The following QNG1 variants were observed in gnomAD, a reference collection of about 807,000 sequenced individuals.
QNG1 encodes the protein Q-nucleotide N-glycosylase 1, also known as queuosine 5'-phosphate N-glycosylase/hydrolase.
the QNG1 span, chr9:83,939,652 C>T: frequency 6.2e-7 from 1 of 1,614,134 alleles, no homozygotes; most frequent in Non-Finnish European, 8.5e-7. Context: ...GTTCAATAAG[C>T]TCCAGAAGAC....
At chr9:83,955,255 G>A in the QNG1 span, 1 of 941,768 alleles carries the variant, frequency 1.1e-6, no homozygotes, top group African/African-American at 1.7e-5. Flanking sequence ...ACTTGATTTT[G>A]TTAGTTTCTT....
the QNG1 span, among the ~76,000 whole-genome samples, chr9:83,944,055 C>T: frequency 6.8e-6 from 1 of 147,040 alleles, no homozygotes; most frequent in Non-Finnish European, 1.5e-5. Context: ...GGTGCAGTGG[C>T]TCACGCCTGT....
chr9:83,955,245 A>T, the QNG1 span: 2 of 876,838 alleles, frequency 2.3e-6, no homozygotes, highest in South Asian at 1.8e-5. Flanking sequence ...TTGAAACACT[A>T]CTTGATTTTG....
At chr9:83,941,408 C>T in the QNG1 span, among the ~76,000 whole-genome samples, 1 of 151,980 alleles carries the variant, frequency 6.6e-6, no homozygotes, top group Non-Finnish European at 1.5e-5. Flanking sequence ...AAGGTGAGAC[C>T]CCTTCTCTAC....
the QNG1 span, among the ~76,000 whole-genome samples, chr9:83,943,024 C>T: frequency 6.6e-6 from 1 of 152,008 alleles, no homozygotes; most frequent in Non-Finnish European, 1.5e-5. Context: ...TTGAGTGAAG[C>T]CTCTGTGATG....
the QNG1 span, chr9:83,939,763 T>C: frequency 6.5e-7 from 1 of 1,527,502 alleles, no homozygotes. Context: ...GGAAAAGCAG[T>C]AAGAAAAATT....
the QNG1 span, chr9:83,956,792 T>C: frequency 2.9e-6 from 1 of 340,306 alleles, no homozygotes; most frequent in Non-Finnish European, 5.4e-6. Flanking sequence ...CAGGCTCCGC[T>C]TCCGGTTCCA....
At chr9:83,947,747 G>A in the QNG1 span, among the ~76,000 whole-genome samples, 1 of 152,218 alleles carries the variant, frequency 6.6e-6, no homozygotes, top group African/African-American at 2.4e-5. Flanking sequence ...GCTCCTGACC[G>A]CGAGTGATCT....
chr9:83,944,729 TA>T, the QNG1 span: 1 of 1,304,526 alleles, frequency 7.7e-7, no homozygotes, highest in Non-Finnish European at 1.1e-6. Flanking sequence ...AGACCTTTTG[TA>T]AAAGAAACTA....
At chr9:83,951,335 TGGATCACCTGA>T in the QNG1 span, among the ~76,000 whole-genome samples, 1 of 151,732 alleles carries the variant, frequency 6.6e-6, no homozygotes, top group South Asian at 2.1e-4. Context: ...CCAAGGCGGG[TGGATCACCTGA>T]GGTCAGGAGT....
At chr9:83,956,420 G>T in the QNG1 span, 1 of 1,581,784 alleles carries the variant, frequency 6.3e-7, no homozygotes. Context: ...CCCTCCGTAC[G>T]CCTCCGCTGT....
the QNG1 span, among the ~76,000 whole-genome samples, chr9:83,952,465 G>T: frequency 6.6e-6 from 1 of 152,018 alleles, no homozygotes; most frequent in African/African-American, 2.4e-5. Context: ...TTCAAGATCA[G>T]CCTGGCCAAT....
the QNG1 span, among the ~76,000 whole-genome samples, chr9:83,943,887 G>C: frequency 6.6e-6 from 1 of 152,112 alleles, no homozygotes; most frequent in Non-Finnish European, 1.5e-5. Context: ...TAGGTGTGGT[G>C]GCGGGCGCCT....
the QNG1 span, among the ~76,000 whole-genome samples, chr9:83,954,069 A>G: frequency 6.6e-6 from 1 of 151,886 alleles, no homozygotes; most frequent in Admixed American, 6.6e-5. Context: ...TAATTTTTGT[A>G]TTTTTAGTAG....
chr9:83,949,741 G>A, the QNG1 span, among the ~76,000 whole-genome samples: 1 of 150,900 alleles, frequency 6.6e-6, no homozygotes, highest in African/African-American at 2.4e-5. Context: ...ACACCATCAA[G>A]TTTATTATAA....
chr9:83,948,726 G>T, the QNG1 span, among the ~76,000 whole-genome samples: 1 of 152,222 alleles, frequency 6.6e-6, no homozygotes, highest in South Asian at 2.1e-4. Context: ...AGACATAGGA[G>T]ACTCCATTTT....
At chr9:83,943,596 T>C in the QNG1 span, among the ~76,000 whole-genome samples, 4 of 152,278 alleles carry the variant, frequency 2.6e-5, no homozygotes, top group African/African-American at 9.6e-5. Flanking sequence ...AGATTGCCCA[T>C]GGCAGCATAA....
At chr9:83,942,531 A>G in the QNG1 span, among the ~76,000 whole-genome samples, 1 of 152,232 alleles carries the variant, frequency 6.6e-6, no homozygotes, top group Non-Finnish European at 1.5e-5. Context: ...CAAGTTTGGA[A>G]GTACCATTGG....
chr9:83,955,655 T>G, the QNG1 span: 1 of 1,606,178 alleles, frequency 6.2e-7, no homozygotes, highest in South Asian at 1.1e-5. Flanking sequence ...AGTGAAAAAA[T>G]AAAATTCAGA....
Sources: gnomAD v4.1 joint callset for allele counts (sites outside exome capture counted in the v4.1 genomes callset) on GRCh38, gnomAD v4.1.1 for gene constraint, MANE v1.5 for transcripts, NCBI Gene and HGNC (gene_info 2026-07-23, HGNC 2026-07-21) for gene names.